ITSN2: variants seen among roughly 807,000 people sequenced by gnomAD.
ITSN2 encodes intersectin-2.
ITSN2 carries 156 observed loss-of-function variants against 243.7 expected under a neutral mutation model. That is an observed-to-expected ratio of 0.64 (90% confidence interval 0.56 to 0.73). The LOEUF (loss-of-function observed/expected upper bound fraction) is 0.73, where lower values mean the gene tolerates loss of function less well. ITSN2 is among the 30% of genes least tolerant of loss of function. ITSN2 has a pLI of 0.00. For synonymous variants in ITSN2, 703 were observed against 699.9 expected, an observed-to-expected ratio of 1.00 and a Z score of -0.07; for missense variants, 1,801 against 1,996.1, an observed-to-expected ratio of 0.90 and a Z score of 1.86.
chr2:24,321,313 G>A (rs1272529336), intron 2 of ITSN2, among the ~76,000 whole-genome samples: 3 of 152,068 alleles, frequency 2.0e-5, no homozygotes, highest in Non-Finnish European at 4.4e-5. Flanking sequence ...AATCAAATAC[G>A]TTTAGGTATA....
chr2:24,292,794 G>C (rs540343537), intron 15 of ITSN2, among the ~76,000 whole-genome samples: 1 of 152,294 alleles, frequency 6.6e-6, no homozygotes, highest in Admixed American at 6.5e-5. Context: ...CCTAGAATCA[G>C]CTTCATCAAT....
intron 31 of ITSN2, among the ~76,000 whole-genome samples, chr2:24,217,407 T>A (rs1670068357): frequency 6.6e-6 from 1 of 152,164 alleles, no homozygotes; most frequent in African/African-American, 2.4e-5. Context: ...GAGCAGGAGC[T>A]GCAGGGGCCA....
At chr2:24,337,327 T>TATACATAC (rs1553395933) in intron 1 of ITSN2, among the ~76,000 whole-genome samples, 1 of 97,402 alleles carries the variant, frequency 1.0e-5, no homozygotes, top group African/African-American at 4.2e-5. Context: ...TATATATATA[T>TATACATAC]ATATATATAT....
At chr2:24,266,158 T>C (rs1313112792) in intron 20 of ITSN2, among the ~76,000 whole-genome samples, 1 of 152,226 alleles carries the variant, frequency 6.6e-6, no homozygotes, top group Admixed American at 6.5e-5. Flanking sequence ...TATTTGGTTG[T>C]TTTTCCTTCA....
chr2:24,286,898 A>G (rs1256417582), intron 15 of ITSN2, among the ~76,000 whole-genome samples: 3 of 152,186 alleles, frequency 2.0e-5, no homozygotes, highest in Admixed American at 1.3e-4. Context: ...CTTTTTTTAC[A>G]TATTCATGCA....
At chr2:24,257,089 G>C (rs1675143016) in intron 23 of ITSN2, among the ~76,000 whole-genome samples, 2 of 152,222 alleles carry the variant, frequency 1.3e-5, no homozygotes, top group Admixed American at 6.5e-5. Context: ...GGTGGAGGCA[G>C]GAAGATCGCT....
In ITSN2 at chr2:24,209,833, G is replaced by C; in HGVS notation, c.4458C>G (p.Phe1486Leu). Residue 1486 changes from phenylalanine (F) to leucine (L), a missense_variant, in exon 35 of 40, where the codon TTC becomes TTG. Phe to Leu is a conservative substitution (Grantham distance 22, BLOSUM62 0). Transcript: ENST00000355123. ...TGATACTCACCGTTTTATACATTTTGAATTGAGCATTGGACTTCGAGCTGA... is the reference window on the plus strand; with the variant it reads ...TGATACTCACCGTTTTATACATTTTCAATTGAGCATTGGACTTCGAGCTGA... ...KLFSSKSNAQ[F>L]KMYKTPIFLN... 1 of 1,613,824 alleles carries C rather than the reference G, an allele frequency of 6.2e-7. No homozygotes were observed. The highest frequency in any genetic ancestry group is 8.5e-7 in the Non-Finnish European group (1 of 1,179,678).
chr2:24,299,870 G>A lies in ITSN2; in HGVS notation c.1344+39C>T, dbSNP rs1558580721. ...AATGAAATATAGTCACTTATTAAAT[G>A]TAATGATTTTCTTAAGAAGTAAAAA... is the stretch of plus-strand genomic sequence containing the variant. On this transcript the variant is annotated intron_variant, in intron 12 of 39. Coordinates refer to ENST00000355123, the MANE Select transcript of ITSN2 (RefSeq NM_006277.3). The A allele has an allele frequency of 2.0e-6, 3 of 1,492,414 alleles. No homozygotes were observed. The South Asian group carries it at 3.7e-5, about 19-fold the overall frequency. 92.4% of individuals were successfully genotyped at this position (1,492,414 alleles called of 1,614,324 possible). A position where few individuals can be genotyped will look rare whatever the true frequency, so the allele number is the denominator to read the frequency against.
intron 20 of ITSN2, among the ~76,000 whole-genome samples, chr2:24,265,000 G>A (rs537548327): frequency 2.7e-4 from 41 of 151,772 alleles, no homozygotes; most frequent in African/African-American, 8.9e-4. Context: ...TTTGCTGCCC[G>A]GGTTGATCTC....
chr2:24,312,191 T>C, intron 5 of ITSN2, 21 bp downstream of exon 5: 1 of 1,571,928 alleles, frequency 6.4e-7, no homozygotes, highest in Non-Finnish European at 8.7e-7. Context: ...AATACAGGTA[T>C]TTAAATTAAT....
chr2:24,310,631 T>C lies in ITSN2; in HGVS notation c.414A>G (p.Thr138=), dbSNP rs1446303679. The C allele has an allele frequency of 6.2e-7, 1 of 1,614,096 alleles. No homozygotes were observed. Among genetic ancestry groups the C allele is most frequent in the Non-Finnish European group, 8.5e-7 (1 of 1,180,014 alleles). The change falls in exon 6 of 40, where the codon ACA becomes ACG. Residue 138 remains threonine (T), a synonymous_variant. Coordinates refer to ENST00000355123, the MANE Select transcript of ITSN2 (RefSeq NM_006277.3). ...PQPLPPAAPI[T]SLSSATSGTN... is the part of the protein sequence containing the mutation. ...TCCCTGAAGTCGCAGAAGACAATGA[T>C]GTTATAGGTGCAGCTGGAGGCAATG...
intron 19 of ITSN2, 147 bp from the exon 20 acceptor site, chr2:24,270,915 A>G (rs1677258225): frequency 9.0e-6 from 5 of 557,094 alleles, no homozygotes; most frequent in Non-Finnish European, 1.3e-5. Context: ...CTAGGATTTC[A>G]GTATCTTGAC....
chr2:24,266,053 G>C (rs968255062), intron 20 of ITSN2, among the ~76,000 whole-genome samples: 1 of 152,110 alleles, frequency 6.6e-6, no homozygotes, highest in African/African-American at 2.4e-5. Flanking sequence ...TATTTATGAA[G>C]GCGCTTTGGA....
At chr2:24,298,636 G>T in intron 13 of ITSN2, 29 bp downstream of exon 13, 17 of 1,586,456 alleles carry the variant, frequency 1.1e-5, no homozygotes, top group African/African-American at 1.4e-5. Flanking sequence ...TCATCATTCA[G>T]ATAAATTTCA....
At chr2:24,241,544 A>T (rs1448621616) in intron 29 of ITSN2, 1 of 145,518 alleles carries the variant, frequency 6.9e-6, no homozygotes, top group South Asian at 2.2e-4. Context: ...AGATTTAAAA[A>T]GCTCCCCCAA....
chr2:24,330,915 C>T (rs1482359367), intron 1 of ITSN2, among the ~76,000 whole-genome samples: 7 of 151,462 alleles, frequency 4.6e-5, no homozygotes, highest in Middle Eastern at 3.4e-3. Flanking sequence ...TACAGGCAGG[C>T]GCCACCACAC....
At chr2:24,307,138 A>G (rs118139638) in intron 8 of ITSN2, among the ~76,000 whole-genome samples, 1 of 152,290 alleles carries the variant, frequency 6.6e-6, no homozygotes, top group East Asian at 1.9e-4. Context: ...TGTAGGGTAC[A>G]AAGAAGTTAA....
intron 20 of ITSN2, among the ~76,000 whole-genome samples, chr2:24,269,625 T>C (rs1049084979): frequency 1.3e-5 from 2 of 152,238 alleles, no homozygotes; most frequent in Non-Finnish European, 2.9e-5. Context: ...CTTCCTCTAC[T>C]GCTTTAGGTT....
At chr2:24,350,962 A>T (rs1201817794) in intron 1 of ITSN2, among the ~76,000 whole-genome samples, 1 of 152,198 alleles carries the variant, frequency 6.6e-6, no homozygotes, top group Non-Finnish European at 1.5e-5. Context: ...TATACTAAAA[A>T]ACACTGAACT....
Sources: gnomAD v4.1 joint callset for allele counts (sites outside exome capture counted in the v4.1 genomes callset) on GRCh38, gnomAD v4.1.1 for gene constraint, MANE v1.5 for transcripts, NCBI Gene and HGNC (gene_info 2026-07-23, HGNC 2026-07-21) for gene names.